SP140: variants seen among roughly 807,000 people sequenced by gnomAD.
SP140 encodes the protein SP140 nuclear body protein.
A neutral mutation model predicts 125.0 loss-of-function variants in SP140; 81 were observed. The observed-to-expected ratio is 0.65, with a 90% CI of 0.54 to 0.78. SP140 has a LOEUF of 0.78. Among genes scored for constraint, SP140 ranks in the 30% least tolerant of loss-of-function variants. The pLI is 0.00. For synonymous variants in SP140, 312 were observed against 354.0 expected (o/e 0.88, Z 1.33); for missense variants, 858 against 1,037.0 (o/e 0.83, Z 2.37).
intron 4 of SP140, among the ~76,000 whole-genome samples, chr2:230,243,383 G>A (rs1356431599): frequency 1.3e-5 from 2 of 152,168 alleles, no homozygotes; most frequent in East Asian, 1.9e-4. Flanking sequence ...ATTTGCAGGA[G>A]CAGAGAAGAG....
At chr2:230,226,004 A>G (rs2046283901) in intron 1 of SP140, 101 bp downstream of exon 1, 1 of 856,034 alleles carries the variant, frequency 1.2e-6, no homozygotes, top group Admixed American at 2.8e-5. Flanking sequence ...ACAGGTATAC[A>G]ATAGAATTCA....
chr2:230,249,061 C>A, intron 9 of SP140, 93 bp downstream of exon 9: 1 of 895,584 alleles, frequency 1.1e-6, no homozygotes, highest in Non-Finnish European at 1.8e-6. Context: ...TCCTACCCTT[C>A]CCTTCTTCAC....
chr2:230,186,495 A>C, the SP140 span, among the ~76,000 whole-genome samples: 63 of 151,806 alleles, frequency 4.2e-4, no homozygotes, highest in Admixed American at 2.7e-3. Context: ...TATTAAATGT[A>C]TTTTTCTTTT....
chr2:230,315,214 A>C (rs2059476734), downstream of SP140, among the ~76,000 whole-genome samples: 2 of 152,204 alleles, frequency 1.3e-5, no homozygotes, highest in African/African-American at 4.8e-5. Context: ...TTCTCAATGG[A>C]ATCCAGAACC....
chr2:230,274,052 C>T (rs1210898553), intron 15 of SP140, among the ~76,000 whole-genome samples: 1 of 151,790 alleles, frequency 6.6e-6, no homozygotes, highest in Admixed American at 6.6e-5. Context: ...ATAACAAACA[C>T]CCATGACACA....
At chr2:230,227,114 C>T (rs2046547754) in intron 1 of SP140, among the ~76,000 whole-genome samples, 1 of 152,120 alleles carries the variant, frequency 6.6e-6, no homozygotes, top group East Asian at 1.9e-4. Context: ...CAAGGGATGA[C>T]TGTACATTCT....
In SP140 at chr2:230,251,026, A is replaced by G; in HGVS notation, c.1022A>G (p.Gln341Arg). Residue 341 changes from glutamine (Q) to arginine (R), a missense_variant, in exon 10 of 27, where the codon CAG becomes CGG. By Grantham distance (43) the Gln-to-Arg change is conservative. Coordinates refer to ENST00000392045, the MANE Select transcript of SP140 (RefSeq NM_007237.5). ...GAAATGTGTGATGGAGAAGAGCCCC[A>G]GGAAGCCTCTAGCTCCCTAGCAAGA... is the stretch of plus-strand genomic sequence containing the variant. ...CSEMCDGEEP[Q>R]EASSSLARCG... 1.2e-6 allele frequency: 2 copies of G among 1,613,806 alleles called. No homozygotes were observed. Among genetic ancestry groups the G allele is most frequent in the Non-Finnish European group, 1.7e-6 (2 of 1,179,810 alleles).
At chr2:230,243,910 A>G (rs2049050582) in intron 5 of SP140, 99 bp downstream of exon 5, 4 of 793,978 alleles carry the variant, frequency 5.0e-6, no homozygotes, top group Non-Finnish European at 8.6e-6. Context: ...AGTACATGCC[A>G]CAGGCAAAAG....
chr2:230,239,079 G>C lies in SP140; in HGVS notation c.406+698G>C, dbSNP rs182864516. On this transcript the variant is annotated intron_variant, in intron 3 of 26. Transcript: ENST00000392045. ...AATAAAGGGCATTTAAACGGGAAAA[G>C]TAAAAGAAGTCAGTATGAAGAATGG... is the stretch of plus-strand genomic sequence containing the variant. 6.9e-5 allele frequency: 95 copies of C among 1,376,014 alleles called. No homozygotes were observed. In the African/African-American group the frequency reaches 1.3e-3, roughly 19 times the overall value. The allele number at this position is 1,376,014 out of a possible 1,614,324, so 85.2% of individuals were successfully genotyped here. A position where few individuals can be genotyped will look rare whatever the true frequency, so the allele number is the denominator to read the frequency against.
intron 22 of SP140, among the ~76,000 whole-genome samples, chr2:230,307,582 A>G (rs1279058450): frequency 6.6e-6 from 1 of 152,218 alleles, no homozygotes; most frequent in African/African-American, 2.4e-5. Flanking sequence ...TGGTCCAGAC[A>G]CAGCCTTGCA....
Position 230,247,790 on chromosome 2 carries a change from C to T in SP140, c.743-126C>T, listed in dbSNP as rs924054950. ...ATGACTCTTTCTCATCTGAGCTTTC[C>T]TAAAGGCTTAGCCCTGTGCTTGAAA... On this transcript the variant is annotated intron_variant, in intron 7 of 26. Coordinates refer to ENST00000392045, the MANE Select transcript of SP140 (RefSeq NM_007237.5). 14 of 875,158 alleles carry T rather than the reference C, an allele frequency of 1.6e-5. No homozygotes were observed. In the Admixed American group the frequency reaches 3.1e-4, roughly 19 times the overall value. 54.2% of individuals were successfully genotyped at this position (875,158 alleles called of 1,614,324 possible).
chr2:230,186,385 T>C, the SP140 span, among the ~76,000 whole-genome samples: 22 of 152,206 alleles, frequency 1.4e-4, no homozygotes, highest in Admixed American at 3.9e-4. Context: ...TGTGTCTGTC[T>C]TGCTCACTGC....
At chr2:230,202,983 G>A (rs2043329484), upstream of SP140, 2 of 522,724 alleles carry the variant, frequency 3.8e-6, no homozygotes, top group Non-Finnish European at 6.9e-6. Context: ...GATAAAGCTG[G>A]GGAAATCCTA....
At chr2:230,295,048 CT>C (rs533207120) in intron 21 of SP140, among the ~76,000 whole-genome samples, 160 of 152,320 alleles carry the variant, frequency 1.1e-3, no homozygotes, top group Middle Eastern at 6.8e-3. Context: ...TGCAGACCTG[CT>C]TTTTATCTGT....
rs553655980 is a variant in SP140, at chr2:230,288,216, A to C, written c.1720+250A>C. 139 of 400,496 alleles carry C rather than the reference A, an allele frequency of 3.5e-4. 1 individual carries two copies. Among genetic ancestry groups the C allele is most frequent in the African/African-American group, 2.5e-3 (123 of 49,248 alleles). 24.8% of individuals were successfully genotyped at this position (400,496 alleles called of 1,614,324 possible). A position where few individuals can be genotyped will look rare whatever the true frequency, so the allele number is the denominator to read the frequency against. ...AAGTGCTACTTTCACTGAAATGATA[A>C]ATTTCAAGGCTGGAGATAGTTCATT... On this transcript the variant is annotated intron_variant, in intron 18 of 26. Coordinates refer to ENST00000392045, the MANE Select transcript of SP140 (RefSeq NM_007237.5).
At chr2:230,299,558 T>A (rs1164933739) in intron 22 of SP140, among the ~76,000 whole-genome samples, 1 of 152,144 alleles carries the variant, frequency 6.6e-6, no homozygotes, top group African/African-American at 2.4e-5. Context: ...CAGCTGAACT[T>A]TGTAATAATT....
intron 12 of SP140, among the ~76,000 whole-genome samples, chr2:230,265,346 C>T (rs1360284551): frequency 2.6e-5 from 4 of 152,146 alleles, no homozygotes; most frequent in Non-Finnish European, 5.9e-5. Context: ...AGACCATTTC[C>T]AGGCTTGAAA....
At chr2:230,219,339 G>A (rs1244780501) in intron 3 of SP140, among the ~76,000 whole-genome samples, 1 of 152,228 alleles carries the variant, frequency 6.6e-6, no homozygotes. Flanking sequence ...CAGACACTGT[G>A]AGTGGGAAGG....
chr2:230,259,475 T>A (rs2051814853), intron 12 of SP140, among the ~76,000 whole-genome samples: 1 of 151,554 alleles, frequency 6.6e-6, no homozygotes, highest in Admixed American at 6.6e-5. Context: ...GTCAGGAGTT[T>A]GAGACCAACC....
Sources: allele counts gnomAD v4.1 joint callset (sites outside exome capture counted in the v4.1 genomes callset), GRCh38; gene constraint gnomAD v4.1.1; transcripts MANE v1.5; gene names NCBI Gene and HGNC (gene_info 2026-07-23, HGNC 2026-07-21).